The following CTIF variants were observed in gnomAD, a reference collection of about 807,000 sequenced individuals.
The protein encoded by CTIF is cap binding complex dependent translation initiation factor.
A neutral mutation model predicts 66.0 loss-of-function variants in CTIF; 21 were observed. That is an observed-to-expected ratio of 0.32 (90% CI 0.23 to 0.46). The LOEUF (loss-of-function observed/expected upper bound fraction) is 0.46. Ranked by LOEUF, CTIF falls within the 20% of genes least tolerant of loss-of-function variation. The pLI, the probability that CTIF is intolerant of heterozygous loss-of-function variation, is 1.00. For missense variants in CTIF, 739 were observed against 812.7 expected (o/e 0.91, Z 1.10); for synonymous variants, 345 against 326.4 (o/e 1.06, Z -0.62).
intron 5 of CTIF, among the ~76,000 whole-genome samples, chr18:48,667,082 G>GATACACACAC (rs2091449682): frequency 7.0e-6 from 1 of 142,180 alleles, no homozygotes; most frequent in African/African-American, 2.6e-5. Flanking sequence ...CAGGAAAGTA[G>GATACACACAC]ACACACACAC....
At position 48,685,625 on chromosome 18, in the gene CTIF, A is replaced by G. The variant is rs1261152128; in HGVS notation, c.507+14881A>G. On this transcript the variant is annotated intron_variant, in intron 6 of 11. Coordinates refer to ENST00000256413, the MANE Select transcript of CTIF (RefSeq NM_014772.3). ...GGATTTCGTGATGTTGACATTGACCAACTGGTTAAGATAGTAGCTTCCAGG... is the reference window on the plus strand; with the variant it reads ...GGATTTCGTGATGTTGACATTGACCGACTGGTTAAGATAGTAGCTTCCAGG... Among the ~76,000 whole-genome samples, 51 of 152,114 alleles carry G rather than the reference A, an allele frequency of 3.4e-4. 1 individual carries two copies. Among genetic ancestry groups the G allele is most frequent in the Non-Finnish European group, 4.4e-5 (3 of 68,028 alleles).
intron 1 of CTIF, among the ~76,000 whole-genome samples, chr18:48,606,006 T>C (rs2090193514): frequency 6.6e-6 from 1 of 152,222 alleles, no homozygotes; most frequent in South Asian, 2.1e-4. Flanking sequence ...CTGAACCTTC[T>C]ATGTGGCCTT....
chr18:48,687,189 G>C (rs1417910009), intron 6 of CTIF, among the ~76,000 whole-genome samples: 1 of 152,002 alleles, frequency 6.6e-6, no homozygotes, highest in Non-Finnish European at 1.5e-5. Context: ...AGGAGAACTG[G>C]CTTGTGGCTG....
intron 10 of CTIF, among the ~76,000 whole-genome samples, chr18:48,851,385 A>C (rs2146627251): frequency 6.6e-6 from 1 of 152,314 alleles, no homozygotes; most frequent in East Asian, 1.9e-4. Flanking sequence ...GACGAGGAGG[A>C]GACCCTTGAT....
chr18:48,748,979 C>G (rs940019657), intron 7 of CTIF, among the ~76,000 whole-genome samples: 9 of 152,206 alleles, frequency 5.9e-5, no homozygotes, highest in Non-Finnish European at 1.3e-4. Context: ...CTGAGCCTTC[C>G]CTCCACTGGC....
At chr18:48,829,804 A>G (rs1332459308) in intron 10 of CTIF, among the ~76,000 whole-genome samples, 2 of 152,068 alleles carry the variant, frequency 1.3e-5, no homozygotes, top group Non-Finnish European at 2.9e-5. Flanking sequence ...TCTCCAACCG[A>G]CTCCAGCTCT....
intron 10 of CTIF, among the ~76,000 whole-genome samples, chr18:48,828,055 C>T (rs571751996): frequency 5.9e-5 from 9 of 151,262 alleles, no homozygotes; most frequent in Non-Finnish European, 1.2e-4. Context: ...GTTCTGCTTC[C>T]TTAGCCAGAC....
intron 6 of CTIF, among the ~76,000 whole-genome samples, chr18:48,702,031 A>G (rs528418467): frequency 7.7e-4 from 118 of 152,364 alleles, no homozygotes; most frequent in Non-Finnish European, 1.6e-3. Context: ...CAAAGGAGGT[A>G]GGAAGAGCAA....
chr18:48,810,575 G>A (rs986409429), intron 9 of CTIF, among the ~76,000 whole-genome samples: 2 of 151,970 alleles, frequency 1.3e-5, no homozygotes, highest in African/African-American at 4.8e-5. Context: ...AGCTTACTAT[G>A]AAGCTTGTTT....
rs191795643 is a variant in CTIF at position 48,553,604 on chromosome 18, G to A, written c.-29+14292G>A. ...GAAAAGTTTACTTAATGTATCTGTCGTAGATTTTAGAACTGGAAAAGAGGT... is the reference window on the plus strand; with the variant it reads ...GAAAAGTTTACTTAATGTATCTGTCATAGATTTTAGAACTGGAAAAGAGGT... On this transcript the variant is annotated intron_variant, in intron 1 of 11. Transcript: ENST00000256413. 8.6e-5 allele frequency among the ~76,000 whole-genome samples: 13 copies of A among 151,882 alleles called. No individual in the cohort carries two copies. The East Asian group carries it at 1.9e-3, about 23-fold the overall frequency.
chr18:48,661,160 G>C (rs954871847), intron 3 of CTIF, among the ~76,000 whole-genome samples: 2 of 152,202 alleles, frequency 1.3e-5, no homozygotes, highest in East Asian at 3.9e-4. Flanking sequence ...AAAGATTACA[G>C]TCTACTTGGG....
chr18:48,850,433 G>C (rs78852912), intron 10 of CTIF, among the ~76,000 whole-genome samples: 4,065 of 152,314 alleles, frequency 0.027, 59 homozygotes, highest in African/African-American at 0.036. Context: ...AAATGAGAGA[G>C]CTAGTCGGCC....
At position 48,697,537 on chromosome 18, in the gene CTIF, G is replaced by A. The variant is rs575060385; in HGVS notation, c.508-14082G>A. Among the ~76,000 whole-genome samples the A allele has an allele frequency of 4.6e-5, 7 of 152,332 alleles. No individual in the cohort carries two copies. The South Asian group carries it at 1.4e-3, about 32-fold the overall frequency. ...ACAAAGCCTGGAAGGAGGAGTGTGT[G>A]TTCAGGGATGGCATGGCAGGTGCAC... On this transcript the variant is annotated intron_variant, in intron 6 of 11. Coordinates refer to ENST00000256413, the MANE Select transcript of CTIF (RefSeq NM_014772.3).
chr18:48,649,250 C>T (rs942886852), intron 3 of CTIF, among the ~76,000 whole-genome samples: 1 of 152,164 alleles, frequency 6.6e-6, no homozygotes, highest in Non-Finnish European at 1.5e-5. Context: ...ACACTCCCAC[C>T]CAAATACTGC....
chr18:48,816,124 G>A (rs191854668), intron 9 of CTIF, among the ~76,000 whole-genome samples: 22 of 152,294 alleles, frequency 1.4e-4, no homozygotes, highest in Middle Eastern at 3.4e-3. Flanking sequence ...CTTAGGTGAG[G>A]CCCTGTCGCA....
chr18:48,827,857 G>A (rs1335990814), intron 10 of CTIF, among the ~76,000 whole-genome samples: 4 of 152,102 alleles, frequency 2.6e-5, no homozygotes, highest in African/African-American at 9.7e-5. Flanking sequence ...AGCACACACA[G>A]TGAAGTTAAC....
At chr18:48,750,963 C>T (rs1339551189) in intron 7 of CTIF, among the ~76,000 whole-genome samples, 2 of 152,230 alleles carry the variant, frequency 1.3e-5, no homozygotes, top group Non-Finnish European at 2.9e-5. Flanking sequence ...CCAGGCTCTG[C>T]TTGGTGCAAG....
At chr18:48,831,302 C>A (rs2068686813) in intron 10 of CTIF, among the ~76,000 whole-genome samples, 1 of 152,254 alleles carries the variant, frequency 6.6e-6, no homozygotes, top group South Asian at 2.1e-4. Context: ...TCTCAACAAC[C>A]CTCCACCGAG....
intron 11 of CTIF, 24 bp from the exon 12 acceptor site, chr18:48,859,320 C>G: frequency 6.2e-7 from 1 of 1,611,346 alleles, no homozygotes; most frequent in Non-Finnish European, 8.5e-7. Flanking sequence ...CGAGGCCATC[C>G]TAACCCCACA....
Sources: gnomAD v4.1 joint callset for allele counts (sites outside exome capture counted in the v4.1 genomes callset) on GRCh38, gnomAD v4.1.1 for gene constraint, MANE v1.5 for transcripts, NCBI Gene and HGNC (gene_info 2026-07-23, HGNC 2026-07-21) for gene names.